The following DOCK2 variants were observed in gnomAD, a reference collection of about 807,000 sequenced individuals.
DOCK2 encodes dedicator of cytokinesis protein 2.
DOCK2 carries 87 observed loss-of-function variants against 248.9 expected under a neutral mutation model. The observed-to-expected ratio is 0.35, with a 90% CI of 0.29 to 0.42. The LOEUF is 0.42. DOCK2 is among the 10% of genes least tolerant of loss of function. The probability of loss-of-function intolerance (pLI) is 1.00; values close to 1 mark genes in which losing one functional copy is unlikely to be tolerated. For synonymous variants in DOCK2, 805 were observed against 821.6 expected, an observed-to-expected ratio of 0.98 and a Z score of 0.35; for missense variants, 1,747 against 2,300.2, an observed-to-expected ratio of 0.76 and a Z score of 4.92.
intron 4 of DOCK2, 92 bp from the exon 5 acceptor site, chr5:169,670,986 C>G: frequency 1.9e-6 from 2 of 1,040,352 alleles, no homozygotes; most frequent in Non-Finnish European, 2.9e-6. Flanking sequence ...AAGGCCCCTC[C>G]GCAGCTGCAG....
At chr5:169,999,736 G>T (rs1581516804) in intron 30 of DOCK2, among the ~76,000 whole-genome samples, 4 of 152,148 alleles carry the variant, frequency 2.6e-5, no homozygotes, top group Admixed American at 6.5e-5. Flanking sequence ...GAATGGATTT[G>T]TTCTCTGTAC....
intron 23 of DOCK2, 133 bp from the exon 24 acceptor site, chr5:169,759,572 T>A (rs1215657538): frequency 2.1e-6 from 2 of 945,482 alleles, no homozygotes; most frequent in Non-Finnish European, 3.2e-6. Context: ...ATACAGAGGC[T>A]TCCATCAATA....
At chr5:169,670,673 G>T in intron 4 of DOCK2, 76 bp downstream of exon 4, 1 of 1,552,446 alleles carries the variant, frequency 6.4e-7, no homozygotes, top group South Asian at 1.2e-5. Flanking sequence ...TTGAAAATCT[G>T]ACTTGGAAGA....
In DOCK2 at chr5:169,794,963, G is replaced by A. The variant is rs187412192; in HGVS notation, c.2555-8095G>A. 4.6e-5 allele frequency among the ~76,000 whole-genome samples: 7 copies of A among 152,228 alleles called. No individual in the cohort carries two copies. In the East Asian group the frequency reaches 1.2e-3, roughly 25 times the overall value. ...AAAGTTCTTTACTTTGGGAGGCCAA[G>A]GTGTGTGGATTGCTTAAGCCCAGGA... On this transcript the variant is annotated intron_variant, in intron 25 of 51. Coordinates refer to ENST00000520908, the MANE Select transcript of DOCK2 (RefSeq NM_004946.3).
intron 27 of DOCK2, among the ~76,000 whole-genome samples, chr5:169,954,468 T>C (rs1776786214): frequency 6.6e-6 from 1 of 152,196 alleles, no homozygotes; most frequent in African/African-American, 2.4e-5. Flanking sequence ...GGTAAGGCAA[T>C]AGATGAAGGC....
chr5:169,669,050 T>A (rs1271202021), intron 2 of DOCK2, among the ~76,000 whole-genome samples: 2 of 152,116 alleles, frequency 1.3e-5, no homozygotes, highest in Non-Finnish European at 2.9e-5. Context: ...GGGCTCCTGA[T>A]TTTTCAAAAT....
At chr5:169,859,891 G>C (rs1055799271) in intron 27 of DOCK2, among the ~76,000 whole-genome samples, 1 of 151,234 alleles carries the variant, frequency 6.6e-6, no homozygotes, top group African/African-American at 2.4e-5. Flanking sequence ...ATGTGCCCAT[G>C]TGCTCTTTTG....
At chr5:170,003,988 G>A (rs1028578013) in intron 30 of DOCK2, among the ~76,000 whole-genome samples, 2 of 152,174 alleles carry the variant, frequency 1.3e-5, no homozygotes, top group Admixed American at 6.5e-5. Flanking sequence ...CTAAGAAGAT[G>A]AGGCACAGCT....
Position 169,985,944 on chromosome 5 carries a change from C to T in DOCK2, c.2993+22C>T, listed in dbSNP as rs73327864. ...ACAGGTGAGCTGCTACCTGCTTCCG[C>T]AAAGCTACCTTACCCAGCCCTCACT... On this transcript the variant is annotated intron_variant, in intron 29 of 51. Transcript: ENST00000520908. 0.014 allele frequency: 22,537 copies of T among 1,594,984 alleles called. 1,778 individuals carry two copies. The African/African-American group carries it at 0.21, about 15-fold the overall frequency.
At chr5:169,928,785 C>T (rs1775603337) in intron 27 of DOCK2, among the ~76,000 whole-genome samples, 1 of 152,174 alleles carries the variant, frequency 6.6e-6, no homozygotes, top group Non-Finnish European at 1.5e-5. Context: ...AACCACAGCC[C>T]AATAATGCAG....
At chr5:169,722,462 C>G (rs1299154473) in intron 22 of DOCK2, among the ~76,000 whole-genome samples, 1 of 152,144 alleles carries the variant, frequency 6.6e-6, no homozygotes, top group East Asian at 1.9e-4. Flanking sequence ...CTCATGCTGC[C>G]CCAGGCTAGA....
At chr5:169,719,079 G>A (rs1423500802) in intron 22 of DOCK2, among the ~76,000 whole-genome samples, 1 of 152,200 alleles carries the variant, frequency 6.6e-6, no homozygotes, top group East Asian at 1.9e-4. Flanking sequence ...TTTGAAATAT[G>A]GTGAACATTT....
intron 27 of DOCK2, among the ~76,000 whole-genome samples, chr5:169,893,698 A>G (rs77663986): frequency 0.016 from 2,412 of 152,280 alleles, 61 homozygotes; most frequent in African/African-American, 0.054. Context: ...CTCCATCCAG[A>G]AAAAAACAAC....
chr5:170,034,430 A>G lies in DOCK2; in HGVS notation c.3499A>G (p.Ile1167Val), dbSNP rs779659113. ...LMECAAEHPT[I>V]AKSVENFVNL... ...GGAATGTGCTGCAGAGCACCCAACC[A>G]TTGCCAAGTCGGTGGAGAACTTCGT... The change falls in exon 35 of 52, where the codon ATT becomes GTT. Residue 1167 changes from isoleucine to valine, a missense_variant. Ile to Val is a conservative substitution (Grantham distance 29). Around this residue, in one of 4 missense-constraint regions of DOCK2, gnomAD observed 858 missense variants for 1,183.5 expected, o/e 0.72. Transcript: ENST00000520908. 10 of 1,613,992 alleles carry G rather than the reference A, an allele frequency of 6.2e-6. No homozygotes were observed. The highest frequency in any genetic ancestry group is 1.3e-5 in the African/African-American group (1 of 74,912).
chr5:169,830,563 A>G (rs1387706841), intron 26 of DOCK2, among the ~76,000 whole-genome samples: 1 of 152,176 alleles, frequency 6.6e-6, no homozygotes, highest in Non-Finnish European at 1.5e-5. Context: ...ACATCTTCAT[A>G]AGTGTCTCCA....
In DOCK2 at chr5:169,840,785, T is replaced by C; in HGVS notation, c.2732T>C (p.Ile911Thr). 1 of 1,613,988 alleles carries C rather than the reference T, an allele frequency of 6.2e-7. No homozygotes were observed. The highest frequency in any genetic ancestry group is 8.5e-7 in the Non-Finnish European group (1 of 1,179,948). The change falls in exon 27 of 52, where the codon ATC becomes ACC. Residue 911 changes from isoleucine to threonine, a missense_variant. Transcript: ENST00000520908. ...AAFTYHHIQEIMVQLLRTVNR... is the reference protein window; with the variant it reads ...AAFTYHHIQETMVQLLRTVNR... ...TTCACCTACCACCATATCCAGGAGA[T>C]CATGGTCCAGCTGCTGCGGACAGTG...
chr5:169,816,738 AC>A (rs757673070), intron 26 of DOCK2, among the ~76,000 whole-genome samples: 1 of 151,998 alleles, frequency 6.6e-6, no homozygotes, highest in Non-Finnish European at 1.5e-5. Context: ...TTTATGGGGT[AC>A]GTGAGATGTT....
chr5:170,044,863 TA>T (rs1756645070), intron 38 of DOCK2, among the ~76,000 whole-genome samples: 1 of 152,166 alleles, frequency 6.6e-6, no homozygotes, highest in Non-Finnish European at 1.5e-5. Flanking sequence ...TTTTCCATTT[TA>T]AACTGAAGGT....
intron 27 of DOCK2, among the ~76,000 whole-genome samples, chr5:169,924,106 A>G (rs1370938715): frequency 6.6e-6 from 1 of 152,148 alleles, no homozygotes; most frequent in African/African-American, 2.4e-5. Flanking sequence ...TGCCCCCTGG[A>G]ATCCAGAGGC....
Sources: allele counts gnomAD v4.1 joint callset (sites outside exome capture counted in the v4.1 genomes callset), GRCh38; gene constraint gnomAD v4.1.1; regional missense constraint gnomAD v4.1.1; transcripts MANE v1.5; gene names NCBI Gene and HGNC (gene_info 2026-07-23, HGNC 2026-07-21).